SMC5: variants seen among roughly 807,000 people sequenced by gnomAD.
The protein encoded by SMC5 is structural maintenance of chromosomes protein 5.
In SMC5, 88 loss-of-function variants were observed where a neutral mutation model predicts 148.3. That is an observed-to-expected ratio of 0.59 (90% confidence interval 0.50 to 0.71). SMC5 has a LOEUF of 0.71. Among genes scored for constraint, SMC5 ranks in the 30% least tolerant of loss-of-function variants. The pLI, the probability that SMC5 is intolerant of heterozygous loss-of-function variation, is 0.00. For missense variants in SMC5, 1,142 were observed against 1,298.9 expected, an observed-to-expected ratio of 0.88 and a Z score of 1.86; for synonymous variants, 421 against 432.8, an observed-to-expected ratio of 0.97 and a Z score of 0.34.
chr9:70,322,715 A>G (rs2035980025), intron 15 of SMC5, among the ~76,000 whole-genome samples: 1 of 152,014 alleles, frequency 6.6e-6, no homozygotes, highest in Non-Finnish European at 1.5e-5. Flanking sequence ...GGGCGCCTGT[A>G]ATCCCAGCTT....
intron 9 of SMC5, among the ~76,000 whole-genome samples, chr9:70,299,627 T>C (rs138146693): frequency 6.6e-6 from 1 of 151,980 alleles, no homozygotes; most frequent in Non-Finnish European, 1.5e-5. Flanking sequence ...TCAGAGTCTT[T>C]GCACCCTTTA....
intron 10 of SMC5, among the ~76,000 whole-genome samples, chr9:70,301,463 C>T (rs1031088563): frequency 1.3e-5 from 2 of 152,190 alleles, no homozygotes; most frequent in Middle Eastern, 3.2e-3. Flanking sequence ...ACATCTTCCA[C>T]GCAGTTTACT....
chr9:70,294,449 G>A (rs999817324), intron 8 of SMC5, among the ~76,000 whole-genome samples: 4 of 152,160 alleles, frequency 2.6e-5, no homozygotes, highest in African/African-American at 9.6e-5. Flanking sequence ...TGGCCAGTGT[G>A]ACATAAGAAG....
chr9:70,295,676 C>T (rs1025242418), intron 8 of SMC5, among the ~76,000 whole-genome samples: 6 of 152,008 alleles, frequency 3.9e-5, no homozygotes, highest in African/African-American at 1.5e-4. Flanking sequence ...AGTTAGTGTT[C>T]AGAAAACTTA....
chr9:70,261,598 G>A (rs1030716407), intron 1 of SMC5, among the ~76,000 whole-genome samples: 42 of 152,208 alleles, frequency 2.8e-4, no homozygotes, highest in African/African-American at 9.9e-4. Flanking sequence ...CAGAATGTAG[G>A]AGTCTGGAGC....
At chr9:70,318,383 G>A (rs2035863171) in intron 13 of SMC5, 131 bp from the exon 14 acceptor site, 3 of 722,180 alleles carry the variant, frequency 4.2e-6, no homozygotes, top group African/African-American at 3.8e-5. Context: ...GTGAGACCCT[G>A]TCTAAAAAAA....
At chr9:70,324,543 C>T (rs1231165000) in intron 17 of SMC5, among the ~76,000 whole-genome samples, 5 of 152,124 alleles carry the variant, frequency 3.3e-5, no homozygotes, top group African/African-American at 1.2e-4. Context: ...GTGGACAACA[C>T]GTATAACAAA....
At chr9:70,308,684 A>G (rs544114558) in intron 11 of SMC5, among the ~76,000 whole-genome samples, 3 of 151,864 alleles carry the variant, frequency 2.0e-5, no homozygotes, top group South Asian at 4.2e-4. Flanking sequence ...ATGTCTCTCA[A>G]CATTTTTTCT....
chr9:70,297,939 A>G (rs1304706505), intron 8 of SMC5, 27 bp from the exon 9 acceptor site: 6 of 1,595,758 alleles, frequency 3.8e-6, no homozygotes, highest in African/African-American at 1.4e-5. Flanking sequence ...AACAGTCTCA[A>G]GTACTAACCT....
intron 1 of SMC5, among the ~76,000 whole-genome samples, chr9:70,261,895 A>G (rs2034148720): frequency 6.6e-6 from 1 of 152,230 alleles, no homozygotes; most frequent in African/African-American, 2.4e-5. Flanking sequence ...GAAGTCAGAT[A>G]GCGGGACTGA....
At chr9:70,311,255 G>T (rs1304140800) in intron 11 of SMC5, 1 of 152,148 alleles carries the variant, frequency 6.6e-6, no homozygotes, top group Non-Finnish European at 1.5e-5. Flanking sequence ...CTATTGTAGG[G>T]TTATTAATTG....
intron 8 of SMC5, among the ~76,000 whole-genome samples, chr9:70,296,301 G>A (rs568697275): frequency 3.9e-5 from 6 of 152,138 alleles, no homozygotes; most frequent in African/African-American, 1.4e-4. Flanking sequence ...GCAGATATAA[G>A]TAGGCATTAA....
At chr9:70,270,890 G>T (rs1410848144) in intron 3 of SMC5, among the ~76,000 whole-genome samples, 1 of 151,900 alleles carries the variant, frequency 6.6e-6, no homozygotes, top group African/African-American at 2.4e-5. Context: ...CAAGTGATCC[G>T]CCCGCCTTGG....
intron 3 of SMC5, 39 bp downstream of exon 3, chr9:70,268,014 A>C: frequency 6.6e-7 from 1 of 1,523,596 alleles, no homozygotes; most frequent in Non-Finnish European, 9.0e-7. Context: ...TTTCCTATAA[A>C]ATTCTTAGTT....
intron 24 of SMC5, among the ~76,000 whole-genome samples, chr9:70,350,923 T>C (rs563225666): frequency 6.6e-6 from 1 of 152,350 alleles, no homozygotes; most frequent in Non-Finnish European, 1.5e-5. Context: ...TCTTTGTAGA[T>C]AATTTTTCAT....
intron 19 of SMC5, 25 bp downstream of exon 19, chr9:70,346,674 C>G (rs1225597672): frequency 2.5e-6 from 4 of 1,613,018 alleles, no homozygotes; most frequent in Non-Finnish European, 3.4e-6. Context: ...TTCTTTTTTC[C>G]CAAGCTCCTG....
At chr9:70,301,754 G>A (rs1380714484) in intron 10 of SMC5, among the ~76,000 whole-genome samples, 4 of 152,086 alleles carry the variant, frequency 2.6e-5, no homozygotes. Context: ...ATATTATGCA[G>A]CCCTTAAAAT....
chr9:70,282,782 C>T (rs2034786961), intron 7 of SMC5, among the ~76,000 whole-genome samples, 199 bp downstream of exon 7: 1 of 151,946 alleles, frequency 6.6e-6, no homozygotes, highest in Non-Finnish European at 1.5e-5. Context: ...TATAGGACTT[C>T]CAAGATATAA....
chr9:70,347,744 A>G (rs1224771630), intron 21 of SMC5, 27 bp downstream of exon 21: 1 of 1,386,944 alleles, frequency 7.2e-7, no homozygotes, highest in Non-Finnish European at 9.9e-7. Flanking sequence ...TAATCTTTTT[A>G]TCATGTGATT....
Sources: allele counts gnomAD v4.1 joint callset (sites outside exome capture counted in the v4.1 genomes callset), GRCh38; gene constraint gnomAD v4.1.1; transcripts MANE v1.5; gene names NCBI Gene and HGNC (gene_info 2026-07-23, HGNC 2026-07-21).